SAMSN1: variants seen among roughly 807,000 people sequenced by gnomAD.
SAMSN1 encodes SAM domain-containing protein SAMSN-1.
Under a neutral mutation model 42.0 loss-of-function variants are expected in SAMSN1, and 31 were observed. That is an observed-to-expected ratio of 0.74 (90% CI 0.55 to 1.00). The LOEUF (loss-of-function observed/expected upper bound fraction) is 1.00, where lower values mean the gene tolerates loss of function less well. Ranked by LOEUF, SAMSN1 falls within the 50% of genes least tolerant of loss-of-function variation. The probability of loss-of-function intolerance (pLI) is 0.00; values close to 1 mark genes in which losing one functional copy is unlikely to be tolerated. For missense variants in SAMSN1, 464 were observed against 439.4 expected, an observed-to-expected ratio of 1.06 and a Z score of -0.50; for synonymous variants, 178 against 151.9, an observed-to-expected ratio of 1.17 and a Z score of -1.26.
chr21:14,638,677 C>T (rs1983524110), intron 2 of SAMSN1, among the ~76,000 whole-genome samples: 1 of 152,194 alleles, frequency 6.6e-6, no homozygotes, highest in African/African-American at 2.4e-5. Context: ...TCTCTAACTT[C>T]TATGCTAAAT....
chr21:14,514,747 C>A (rs1260081857), intron 3 of SAMSN1, among the ~76,000 whole-genome samples: 4 of 151,918 alleles, frequency 2.6e-5, no homozygotes. Context: ...ATGAGAAAAC[C>A]ATTTTTTTTG....
chr21:14,557,043 A>G (rs1159817470), intron 2 of SAMSN1, among the ~76,000 whole-genome samples: 3 of 152,330 alleles, frequency 2.0e-5, no homozygotes, highest in African/African-American at 7.2e-5. Flanking sequence ...TTCCAAGAGC[A>G]TGTAATTCTG....
At chr21:14,530,026 A>G (rs1018252919) in intron 1 of SAMSN1, among the ~76,000 whole-genome samples, 1 of 152,128 alleles carries the variant, frequency 6.6e-6, no homozygotes, top group African/African-American at 2.4e-5. Flanking sequence ...AGAAATAATC[A>G]CCAAATCTGG....
intron 6 of SAMSN1, among the ~76,000 whole-genome samples, chr21:14,499,235 C>T (rs937711792): frequency 9.2e-5 from 14 of 152,056 alleles, no homozygotes; most frequent in East Asian, 1.9e-4. Flanking sequence ...ATATTTTGTC[C>T]GTCATTTGAA....
chr21:14,593,867 T>C, intron 7 of SAMSN1: 1 of 527,610 alleles, frequency 1.9e-6, no homozygotes, highest in Non-Finnish European at 3.4e-6. Context: ...CAAGCCTCTA[T>C]TTATGTTCTT....
At chr21:14,558,629 C>T (rs1396727592) in intron 2 of SAMSN1, among the ~76,000 whole-genome samples, 1 of 152,002 alleles carries the variant, frequency 6.6e-6, no homozygotes, top group Non-Finnish European at 1.5e-5. Flanking sequence ...TGCAGTGAGC[C>T]GACATCTCAT....
chr21:14,594,215 A>C (rs1213588165), intron 6 of SAMSN1: 1 of 590,206 alleles, frequency 1.7e-6, no homozygotes, highest in Non-Finnish European at 3.0e-6. Context: ...TCTTGTTATC[A>C]AAGTACACTG....
chr21:14,515,052 A>G (rs1987845150), intron 3 of SAMSN1, among the ~76,000 whole-genome samples: 2 of 152,210 alleles, frequency 1.3e-5, no homozygotes, highest in African/African-American at 2.4e-5. Flanking sequence ...AAGAAATGCC[A>G]GAAGCATGCC....
chr21:14,649,129 A>G (rs1983777717), intron 1 of SAMSN1, among the ~76,000 whole-genome samples: 1 of 152,082 alleles, frequency 6.6e-6, no homozygotes, highest in African/African-American at 2.4e-5. Flanking sequence ...AGGGACATGG[A>G]TGAAATTGGA....
chr21:14,557,830 G>C (rs1980813068), intron 2 of SAMSN1, among the ~76,000 whole-genome samples: 2 of 152,128 alleles, frequency 1.3e-5, no homozygotes, highest in African/African-American at 4.8e-5. Context: ...GTTCTTACCT[G>C]TCCTGGGATT....
chr21:14,503,779 C>T (rs1360807508), intron 5 of SAMSN1, among the ~76,000 whole-genome samples: 2 of 152,060 alleles, frequency 1.3e-5, no homozygotes, highest in African/African-American at 2.4e-5. Context: ...AATTTTGGCT[C>T]CAGAACGATT....
intron 1 of SAMSN1, among the ~76,000 whole-genome samples, chr21:14,531,505 G>A (rs962792127): frequency 1.3e-5 from 2 of 151,634 alleles, no homozygotes; most frequent in Admixed American, 1.3e-4. Context: ...TCAGAGAGAG[G>A]AAATCTCAAA....
chr21:14,651,449 T>G (rs1424344571), intron 1 of SAMSN1, among the ~76,000 whole-genome samples: 1 of 152,032 alleles, frequency 6.6e-6, no homozygotes, highest in Non-Finnish European at 1.5e-5. Flanking sequence ...ATTATATCAA[T>G]TTATACTAAA....
At chr21:14,641,085 A>G (rs1200147054) in intron 2 of SAMSN1, among the ~76,000 whole-genome samples, 2 of 152,020 alleles carry the variant, frequency 1.3e-5, no homozygotes, top group Non-Finnish European at 1.5e-5. Context: ...GTGGGGTGAA[A>G]ATGCTTATGA....
chr21:14,518,150 C>T (rs8134290), intron 2 of SAMSN1, among the ~76,000 whole-genome samples: 20,844 of 152,264 alleles, frequency 0.14, 1,549 homozygotes, highest in East Asian at 0.28. Flanking sequence ...TTCCTTCAGT[C>T]GTCCAGGTTT....
chr21:14,556,034 G>A (rs1980751675), intron 2 of SAMSN1, among the ~76,000 whole-genome samples: 1 of 152,142 alleles, frequency 6.6e-6, no homozygotes, highest in African/African-American at 2.4e-5. Flanking sequence ...TCTACCTACT[G>A]AAGAAAAATG....
At chr21:14,582,206 T>A in exon 2 of SAMSN1, 9 of 1,550,766 alleles carry the variant, frequency 5.8e-6, no homozygotes, top group Non-Finnish European at 7.0e-6. Context: ...AGAGGAGCAG[T>A]GGTCCCAGGG....
At chr21:14,619,678 TA>T in intron 2 of SAMSN1, 1 of 326,166 alleles carries the variant, frequency 3.1e-6, no homozygotes, top group Non-Finnish European at 6.5e-6. Flanking sequence ...GATATTCCTA[TA>T]ACAAAAGAGA....
chr21:14,497,423 C>G (rs943697301), intron 7 of SAMSN1, among the ~76,000 whole-genome samples: 1 of 152,010 alleles, frequency 6.6e-6, no homozygotes, highest in Non-Finnish European at 1.5e-5. Context: ...GGTGAAACCC[C>G]ATCTCTACTA....
Sources: gnomAD v4.1 joint callset for allele counts (sites outside exome capture counted in the v4.1 genomes callset) on GRCh38, gnomAD v4.1.1 for gene constraint, MANE v1.5 for transcripts, NCBI Gene and HGNC (gene_info 2026-07-23, HGNC 2026-07-21) for gene names.